Variants in RNF17 observed in about 807,000 individuals in gnomAD.
The protein encoded by RNF17 is spermatogenesis associated 23.
Under a neutral mutation model 200.5 loss-of-function variants are expected in RNF17, and 31 were observed. That is an observed-to-expected ratio of 0.15 (90% CI 0.12 to 0.21). RNF17 has a LOEUF of 0.21. Among genes scored for constraint, RNF17 ranks in the 10% least tolerant of loss-of-function variants. The pLI, the probability that RNF17 is intolerant of heterozygous loss-of-function variation, is 1.00. For missense variants in RNF17, 1,628 were observed against 1,905.1 expected (o/e 0.85, Z 2.71); for synonymous variants, 606 against 637.8 (o/e 0.95, Z 0.75).
chr13:24,806,823 A>C (rs1241952016), intron 15 of RNF17, among the ~76,000 whole-genome samples: 1 of 120,100 alleles, frequency 8.3e-6, no homozygotes, highest in East Asian at 2.5e-4. Flanking sequence ...AACAGTCCCC[A>C]GAGTGTGATG....
At chr13:24,749,852 C>T in the RNF17 span, among the ~76,000 whole-genome samples, 440 of 152,280 alleles carry the variant, frequency 2.9e-3, 5 homozygotes, top group African/African-American at 9.6e-3. Flanking sequence ...CAGGTTCAAA[C>T]GATTCTTGTG....
chr13:24,847,842 G>C (rs1305743413), intron 22 of RNF17, among the ~76,000 whole-genome samples: 1 of 152,080 alleles, frequency 6.6e-6, no homozygotes, highest in Admixed American at 6.5e-5. Flanking sequence ...GGAAGTCTCA[G>C]CTCACATACT....
At position 24,845,046 on chromosome 13, in the gene RNF17, G is replaced by A. The variant is rs1386434225; in HGVS notation, c.3068G>A (p.Arg1023Lys). ...GAAGAAAATCTAAAGACAATGGGAA[G>A]ACTCTCTTTGGAATGTTCTCTGGTT... is the stretch of plus-strand genomic sequence containing the variant. ...KLEENLKTMG[R>K]LSLECSLVDI... The change falls in exon 22 of 36, where the codon AGA becomes AAA. Residue 1023 changes from arginine (R) to lysine (K), a missense_variant. Arg to Lys is a conservative substitution (Grantham distance 26, BLOSUM62 2). Coordinates refer to ENST00000255324, the MANE Select transcript of RNF17 (RefSeq NM_031277.3). 6.3e-7 allele frequency: 1 copy of A among 1,576,926 alleles called. No homozygotes were observed. Among genetic ancestry groups the A allele is most frequent in the Non-Finnish European group, 8.7e-7 (1 of 1,146,624 alleles).
intron 1 of RNF17, among the ~76,000 whole-genome samples, chr13:24,765,118 C>A (rs1235973576): frequency 6.6e-6 from 1 of 152,134 alleles, no homozygotes; most frequent in Non-Finnish European, 1.5e-5. Flanking sequence ...CAGGTTCACG[C>A]CATTCTCCTG....
At chr13:24,884,409 G>A (rs760698184), downstream of RNF17, 3 of 1,613,964 alleles carry the variant, frequency 1.9e-6, no homozygotes, top group East Asian at 4.5e-5. Flanking sequence ...ACTTCCTTTC[G>A]AGTTCCATTG....
intron 15 of RNF17, among the ~76,000 whole-genome samples, chr13:24,809,527 C>T (rs1417407359): frequency 6.6e-6 from 1 of 152,098 alleles, no homozygotes; most frequent in African/African-American, 2.4e-5. Context: ...TGATTCTTCT[C>T]TCTTTTTTTC....
the RNF17 span, chr13:24,750,686 T>C: frequency 2.0e-5 from 3 of 152,370 alleles, no homozygotes; most frequent in African/African-American, 7.2e-5. Flanking sequence ...GATACTTACT[T>C]CGCCTTCTGA....
At chr13:24,762,896 T>C (rs1878913014), upstream of RNF17, among the ~76,000 whole-genome samples, 1 of 152,202 alleles carries the variant, frequency 6.6e-6, no homozygotes, top group African/African-American at 2.4e-5. Context: ...TCCGAAATTC[T>C]TCCCTGACAC....
intron 22 of RNF17, among the ~76,000 whole-genome samples, chr13:24,845,368 A>G (rs1396742851): frequency 6.6e-6 from 1 of 152,224 alleles, no homozygotes; most frequent in Non-Finnish European, 1.5e-5. Flanking sequence ...TTGCATAGAA[A>G]GCTAAAAATA....
intron 15 of RNF17, among the ~76,000 whole-genome samples, chr13:24,817,829 T>C (rs1209774403): frequency 6.6e-6 from 1 of 152,160 alleles, no homozygotes; most frequent in Non-Finnish European, 1.5e-5. Flanking sequence ...TAGCTAAAGA[T>C]TTGTCAATTT....
chr13:24,799,388 T>TA lies in RNF17; in HGVS notation c.1400-6dup. 1 of 1,596,680 alleles carries TA rather than the reference T, an allele frequency of 6.3e-7. No individual in the cohort carries two copies. The highest frequency in any genetic ancestry group is 8.5e-7 in the Non-Finnish European group (1 of 1,170,870). ...GTTTATAACGATTTGTTTCCCTCAT[T>TA]ATTTAGGTGCAAGAATATTTGTCAG... On this transcript the variant is annotated splice_polypyrimidine_tract_variant and splice_region_variant and intron_variant, in intron 11 of 35. Transcript: ENST00000255324.
At chr13:24,756,282 A>T in the RNF17 span, among the ~76,000 whole-genome samples, 9 of 152,228 alleles carry the variant, frequency 5.9e-5, no homozygotes, top group South Asian at 2.1e-4. Flanking sequence ...ATATATGAAT[A>T]TATAAAACAT....
chr13:24,866,194 A>T lies in RNF17; in HGVS notation c.4152A>T (p.Ile1384=). ...AGTATGAAGAGGAACAATGGGAAAT[A>T]AGGTTTGAGGTAAGTAACAATCCAA... is the stretch of plus-strand genomic sequence containing the variant. ...DKKYEEEQWE[I]RFEELLSAET... The change falls in exon 30 of 36, where the codon ATA becomes ATT. Residue 1384 remains isoleucine, a synonymous_variant. Transcript: ENST00000255324. The T allele has an allele frequency of 6.4e-7, 1 of 1,551,650 alleles. No homozygotes were observed.
At chr13:24,770,707 T>C (rs1292744325) in intron 2 of RNF17, among the ~76,000 whole-genome samples, 2 of 152,200 alleles carry the variant, frequency 1.3e-5, no homozygotes, top group Non-Finnish European at 2.9e-5. Context: ...CCACCAAAGA[T>C]GTATATTTCA....
At chr13:24,828,110 A>G (rs923610829) in intron 16 of RNF17, among the ~76,000 whole-genome samples, 1 of 152,210 alleles carries the variant, frequency 6.6e-6, no homozygotes, top group East Asian at 1.9e-4. Context: ...TCATGACACT[A>G]AGGACTTTGC....
intron 15 of RNF17, chr13:24,824,055 C>G (rs746135060): frequency 1.1e-5 from 7 of 617,014 alleles, no homozygotes; most frequent in Non-Finnish European, 2.1e-5. Context: ...ACTGCCACTG[C>G]TTAAGACCAA....
intron 24 of RNF17, among the ~76,000 whole-genome samples, chr13:24,852,810 A>G (rs1892083117): frequency 6.6e-6 from 1 of 152,232 alleles, no homozygotes; most frequent in South Asian, 2.1e-4. Flanking sequence ...TACTGCTTTT[A>G]CAGACTAAAA....
At chr13:24,822,211 C>T (rs1038254620) in intron 15 of RNF17, among the ~76,000 whole-genome samples, 1 of 152,138 alleles carries the variant, frequency 6.6e-6, no homozygotes, top group Non-Finnish European at 1.5e-5. Context: ...GTGCTTCTTA[C>T]TGTACATGTG....
chr13:24,748,144 G>A, the RNF17 span, among the ~76,000 whole-genome samples: 1 of 152,208 alleles, frequency 6.6e-6, no homozygotes, highest in Non-Finnish European at 1.5e-5. Flanking sequence ...CGAGGGTCAG[G>A]GTCCTGGAAG....
Sources: allele counts gnomAD v4.1 joint callset (sites outside exome capture counted in the v4.1 genomes callset), GRCh38; gene constraint gnomAD v4.1.1; transcripts MANE v1.5; gene names NCBI Gene and HGNC (gene_info 2026-07-23, HGNC 2026-07-21).